The following NAALADL2 variants were observed in gnomAD, a reference collection of about 807,000 sequenced individuals.
NAALADL2 encodes the protein N-acetylated alpha-linked acidic dipeptidase like 2, also known as inactive N-acetylated-alpha-linked acidic dipeptidase-like protein 2.
Under a neutral mutation model 87.2 loss-of-function variants are expected in NAALADL2, and 76 were observed. The ratio of observed to expected loss-of-function variants is 0.87; its 90% CI spans 0.72 to 1.05. The LOEUF (loss-of-function observed/expected upper bound fraction) is 1.05, where lower values mean the gene tolerates loss of function less well. Ranked by LOEUF, NAALADL2 falls within the 50% of genes least tolerant of loss-of-function variation. NAALADL2 has a pLI of 0.00. For missense variants in NAALADL2, 1,089 were observed against 945.8 expected, an observed-to-expected ratio of 1.15 and a Z score of -1.99; for synonymous variants, 354 against 331.0, an observed-to-expected ratio of 1.07 and a Z score of -0.75.
intron 2 of NAALADL2, among the ~76,000 whole-genome samples, chr3:174,671,997 G>T (rs593197): frequency 3.3e-5 from 5 of 151,410 alleles, no homozygotes; most frequent in Non-Finnish European, 7.4e-5. Context: ...AAGTTGTTCT[G>T]CAATCCTTTA....
intron 10 of NAALADL2, among the ~76,000 whole-genome samples, chr3:175,608,654 G>C (rs888460732): frequency 6.6e-6 from 1 of 151,806 alleles, no homozygotes; most frequent in Admixed American, 6.6e-5. Flanking sequence ...ATGAAATTTG[G>C]GAAACAATGA....
chr3:174,928,042 T>A (rs1381819290), intron 1 of NAALADL2, among the ~76,000 whole-genome samples: 1 of 152,130 alleles, frequency 6.6e-6, no homozygotes, highest in African/African-American at 2.4e-5. Flanking sequence ...TTTATGTATA[T>A]TTATAGGAAA....
chr3:175,587,849 T>C (rs933128589), intron 10 of NAALADL2, among the ~76,000 whole-genome samples: 13 of 152,182 alleles, frequency 8.5e-5, no homozygotes, highest in Admixed American at 6.5e-5. Flanking sequence ...TAGTTGCTCC[T>C]CACCCACTTC....
At chr3:175,712,097 A>G (rs1582980484) in intron 11 of NAALADL2, among the ~76,000 whole-genome samples, 1 of 151,978 alleles carries the variant, frequency 6.6e-6, no homozygotes, top group African/African-American at 2.4e-5. Context: ...AAATTTATAG[A>G]GAAATGCTGA....
chr3:174,793,712 G>A (rs935340295), intron 3 of NAALADL2, among the ~76,000 whole-genome samples: 1 of 151,868 alleles, frequency 6.6e-6, no homozygotes, highest in Non-Finnish European at 1.5e-5. Context: ...ATTTATTCCC[G>A]TGGCTATCTC....
At chr3:175,514,170 C>A (rs1731534603) in intron 9 of NAALADL2, among the ~76,000 whole-genome samples, 3 of 152,146 alleles carry the variant, frequency 2.0e-5, no homozygotes, top group Admixed American at 2.0e-4. Context: ...GCTTCTATAA[C>A]CCTTGTAATT....
intron 1 of NAALADL2, among the ~76,000 whole-genome samples, chr3:175,093,046 T>C (rs1449437216): frequency 6.6e-6 from 1 of 151,832 alleles, no homozygotes; most frequent in Non-Finnish European, 1.5e-5. Context: ...TCATGCAGAT[T>C]ATAAAATCTA....
chr3:174,618,521 G>T (rs1045268938), intron 2 of NAALADL2, among the ~76,000 whole-genome samples: 1 of 151,612 alleles, frequency 6.6e-6, no homozygotes, highest in Non-Finnish European at 1.5e-5. Flanking sequence ...GTTATTTCCT[G>T]CCCTAGAGTA....
intron 1 of NAALADL2, among the ~76,000 whole-genome samples, chr3:175,029,337 A>G (rs1371666091): frequency 1.3e-5 from 2 of 152,114 alleles, no homozygotes; most frequent in African/African-American, 4.8e-5. Flanking sequence ...GTAATCCTTT[A>G]GATGTGTGAT....
intron 9 of NAALADL2, among the ~76,000 whole-genome samples, chr3:175,503,870 C>A (rs1472700505): frequency 6.6e-6 from 1 of 152,010 alleles, no homozygotes; most frequent in Non-Finnish European, 1.5e-5. Flanking sequence ...TTTCTCCAAT[C>A]CTGTAAGTTG....
At chr3:175,749,082 G>A (rs1746285777) in intron 12 of NAALADL2, among the ~76,000 whole-genome samples, 1 of 148,112 alleles carries the variant, frequency 6.8e-6, no homozygotes, top group Non-Finnish European at 1.5e-5. Flanking sequence ...ACTCCAGACT[G>A]GGCAACAGAG....
chr3:175,795,118 A>C (rs942077190), intron 13 of NAALADL2, among the ~76,000 whole-genome samples: 1 of 152,150 alleles, frequency 6.6e-6, no homozygotes, highest in Admixed American at 6.5e-5. Context: ...ACTTCCTAAT[A>C]TCATCCCACC....
intron 5 of NAALADL2, among the ~76,000 whole-genome samples, chr3:175,345,308 C>T (rs1763037561): frequency 6.6e-6 from 1 of 151,358 alleles, no homozygotes; most frequent in Non-Finnish European, 1.5e-5. Flanking sequence ...CTATAGCCAA[C>T]CATTAAGAAG....
chr3:175,545,510 GCAGA>G (rs771111263), intron 9 of NAALADL2, among the ~76,000 whole-genome samples: 14 of 151,816 alleles, frequency 9.2e-5, no homozygotes, highest in Non-Finnish European at 1.6e-4. Context: ...TGTTGTGTTT[GCAGA>G]CACTTTCCCC....
chr3:175,705,527 G>C (rs1739561374), intron 11 of NAALADL2, among the ~76,000 whole-genome samples: 1 of 149,994 alleles, frequency 6.7e-6, no homozygotes, highest in South Asian at 2.1e-4. Flanking sequence ...AGAAGTTGGA[G>C]GTGAGGAGAA....
At chr3:174,879,613 T>A (rs556042409) in intron 1 of NAALADL2, among the ~76,000 whole-genome samples, 14 of 152,102 alleles carry the variant, frequency 9.2e-5, no homozygotes, top group Non-Finnish European at 1.8e-4. Context: ...GTGTAAGTAC[T>A]TGCTTCAAAA....
chr3:175,250,673 T>C (rs1486959425), intron 3 of NAALADL2, among the ~76,000 whole-genome samples: 1 of 152,200 alleles, frequency 6.6e-6, no homozygotes, highest in Non-Finnish European at 1.5e-5. Context: ...AGTGCCATCC[T>C]TGAATTCTAG....
rs567392999 is a variant in NAALADL2, at chr3:175,331,032, A to T, written c.1090+6707A>T. ...TATTATGAACAACTATACACTAACAATCTGGAAACCTGAGAGAAAATGGAT... is the reference window on the plus strand; with the variant it reads ...TATTATGAACAACTATACACTAACATTCTGGAAACCTGAGAGAAAATGGAT... On this transcript the variant is annotated intron_variant, in intron 5 of 13. Transcript: ENST00000454872. Among the ~76,000 whole-genome samples the T allele has an allele frequency of 5.3e-5, 8 of 152,296 alleles. No individual in the cohort carries two copies. In the East Asian group the frequency reaches 1.5e-3, roughly 29 times the overall value.
intron 3 of NAALADL2, among the ~76,000 whole-genome samples, chr3:174,853,368 C>T: frequency 8.3e-6 from 1 of 120,164 alleles, no homozygotes; most frequent in Non-Finnish European, 1.6e-5. Flanking sequence ...CAGAGCGAGA[C>T]TCAATCTCAA....
Sources: gnomAD v4.1 joint callset for allele counts (sites outside exome capture counted in the v4.1 genomes callset) on GRCh38, gnomAD v4.1.1 for gene constraint, MANE v1.5 for transcripts, NCBI Gene and HGNC (gene_info 2026-07-23, HGNC 2026-07-21) for gene names.